Variants in WFDC9 observed in about 807,000 individuals in gnomAD.
The protein encoded by WFDC9 is WAP four-disulfide core domain 9.
Under a neutral mutation model 9.5 loss-of-function variants are expected in WFDC9, and 9 were observed. The ratio of observed to expected loss-of-function variants is 0.95; its 90% CI spans 0.57 to 1.65. The LOEUF is 1.65. Among genes scored for constraint, WFDC9 ranks in the 40% most tolerant of loss-of-function variants. WFDC9 has a pLI of 0.00. For missense variants in WFDC9, 87 were observed against 106.7 expected, an observed-to-expected ratio of 0.82 and a Z score of 0.81; for synonymous variants, 33 against 32.3, an observed-to-expected ratio of 1.02 and a Z score of -0.07.
intron 1 of WFDC9, among the ~76,000 whole-genome samples, chr20:45,622,410 G>T (rs938800504): frequency 6.6e-6 from 1 of 151,982 alleles, no homozygotes; most frequent in Non-Finnish European, 1.5e-5. Context: ...TTCATTTGGG[G>T]CAACTTCAAT....
At chr20:45,608,586 G>A (rs1981779285) in intron 4 of WFDC9, 77 bp downstream of exon 4, 1 of 1,508,750 alleles carries the variant, frequency 6.6e-7, no homozygotes, top group Admixed American at 2.1e-5. Flanking sequence ...TTGGGTGGCT[G>A]CGGTCTTTTG....
At chr20:45,629,948 G>A (rs2145604738) in intron 1 of WFDC9, 2 of 1,603,272 alleles carry the variant, frequency 1.2e-6, no homozygotes, top group Non-Finnish European at 1.7e-6. Context: ...ATTGGGTAGG[G>A]GGAATGGAGG....
chr20:45,628,494 C>T (rs528293930), intron 1 of WFDC9, among the ~76,000 whole-genome samples: 1 of 152,262 alleles, frequency 6.6e-6, no homozygotes, highest in Non-Finnish European at 1.5e-5. Context: ...TGATGATTCT[C>T]CTCTATATAA....
At chr20:45,629,566 A>G (rs1255452041) in intron 1 of WFDC9, 3 of 376,696 alleles carry the variant, frequency 8.0e-6, no homozygotes, top group Non-Finnish European at 1.4e-5. Flanking sequence ...ATCGGCAAGA[A>G]CACAAGACTG....
At chr20:45,611,287 T>C (rs1325037841) in intron 2 of WFDC9, among the ~76,000 whole-genome samples, 1 of 149,412 alleles carries the variant, frequency 6.7e-6, no homozygotes, top group Non-Finnish European at 1.5e-5. Flanking sequence ...AGAGTGGGGG[T>C]GGTGGGAGGC....
In WFDC9 at chr20:45,608,121, G is replaced by T. The variant is rs774838509; in HGVS notation, c.259C>A (p.Leu87Ile). Residue 87 changes from leucine (L) to isoleucine (I), a missense_variant, in exon 5 of 5, where the codon CTA (leucine) becomes ATA (isoleucine). By Grantham distance (5) the Leu-to-Ile change is conservative (BLOSUM62 2). Coordinates refer to ENST00000326000, the MANE Select transcript of WFDC9 (RefSeq NM_147198.4). ...TCGGCCAATAGAATCTAGGGGTTTAGCATTGATTTAAGGGGCTCTCTAGAA... is the reference window on the plus strand; with the variant it reads ...TCGGCCAATAGAATCTAGGGGTTTATCATTGATTTAAGGGGCTCTCTAGAA... ...LDNEEPLKSM[L>I]NP 1 of 1,613,308 alleles carries T rather than the reference G, an allele frequency of 6.2e-7. No individual in the cohort carries two copies. The highest frequency in any genetic ancestry group is 8.5e-7 in the Non-Finnish European group (1 of 1,179,760).
intron 2 of WFDC9, among the ~76,000 whole-genome samples, chr20:45,611,455 A>G (rs2145595244): frequency 6.6e-6 from 1 of 152,350 alleles, no homozygotes; most frequent in African/African-American, 2.4e-5. Context: ...GGAGAATCAC[A>G]TAAAATTTGT....
intron 2 of WFDC9, among the ~76,000 whole-genome samples, chr20:45,614,189 G>A (rs1981923506): frequency 6.6e-6 from 1 of 152,088 alleles, no homozygotes; most frequent in African/African-American, 2.4e-5. Flanking sequence ...CTAGTCTCCT[G>A]TTTTGCACAC....
chr20:45,610,842 TA>T (rs915582555), intron 2 of WFDC9, among the ~76,000 whole-genome samples: 19 of 152,308 alleles, frequency 1.2e-4, no homozygotes, highest in African/African-American at 4.6e-4. Context: ...ATTTTATTGG[TA>T]AAAAGCTTTG....
chr20:45,608,099 G>A lies in WFDC9; in HGVS notation c.*11C>T, dbSNP rs1981768557. 1.2e-6 allele frequency: 2 copies of A among 1,613,414 alleles called. No homozygotes were observed. The highest frequency in any genetic ancestry group is 2.2e-5 in the East Asian group (1 of 44,876). ...ATCCTTCAGCCCACAGTAGTGATCG[G>A]CCAATAGAATCTAGGGGTTTAGCAT... On this transcript the variant is annotated 3_prime_UTR_variant, in exon 5 of 5. Transcript: ENST00000326000.
At chr20:45,624,853 T>G (rs1982181756) in intron 1 of WFDC9, among the ~76,000 whole-genome samples, 1 of 152,226 alleles carries the variant, frequency 6.6e-6, no homozygotes, top group African/African-American at 2.4e-5. Flanking sequence ...AAGTCATTTT[T>G]TTCATATATT....
intron 1 of WFDC9, among the ~76,000 whole-genome samples, chr20:45,627,500 G>T (rs1390876197): frequency 6.6e-6 from 1 of 151,652 alleles, no homozygotes; most frequent in African/African-American, 2.4e-5. Context: ...CTCCTTACTT[G>T]TTATTCGTCT....
chr20:45,620,527 G>A (rs1319081615), intron 1 of WFDC9, among the ~76,000 whole-genome samples: 2 of 152,214 alleles, frequency 1.3e-5, no homozygotes, highest in Non-Finnish European at 2.9e-5. Context: ...AGGAGGCAGA[G>A]ATTGCAGTGA....
chr20:45,625,612 T>A (rs1203143949), intron 1 of WFDC9, among the ~76,000 whole-genome samples: 2 of 152,082 alleles, frequency 1.3e-5, no homozygotes, highest in Non-Finnish European at 2.9e-5. Context: ...TACCTTTAGA[T>A]CTTTAATCCA....
At chr20:45,625,807 CTT>C (rs76758338) in intron 1 of WFDC9, among the ~76,000 whole-genome samples, 493 of 46,326 alleles carry the variant, frequency 0.011, 6 homozygotes, top group Admixed American at 0.071. Context: ...GTTCTCTATT[CTT>C]TTTTTTTTTT....
intron 1 of WFDC9, among the ~76,000 whole-genome samples, chr20:45,627,463 G>T (rs2145603120): frequency 6.6e-6 from 1 of 151,658 alleles, no homozygotes; most frequent in African/African-American, 2.4e-5. Context: ...TTTTGTTTCA[G>T]GGGAGACTTT....
chr20:45,620,670 G>T lies in WFDC9; in HGVS notation c.-152-5949C>A, dbSNP rs188767233. Among the ~76,000 whole-genome samples, 60 of 152,264 alleles carry T rather than the reference G, an allele frequency of 3.9e-4. 1 individual carries two copies. The highest frequency in any genetic ancestry group is 1.4e-3 in the African/African-American group (60 of 41,548). ...TATTGAGGCCATTTTGTGTGTATGT[G>T]TGTGTGTACACATATATACAATTGT... On this transcript the variant is annotated intron_variant, in intron 1 of 4. Transcript: ENST00000326000.
At chr20:45,629,133 C>G (rs2425722) in intron 1 of WFDC9, among the ~76,000 whole-genome samples, 102,388 of 152,082 alleles carry the variant, frequency 0.67, 35,448 homozygotes, top group East Asian at 1. Context: ...ATATGTATAT[C>G]TGTGTATGTG....
chr20:45,613,858 C>G (rs542739838), intron 2 of WFDC9, among the ~76,000 whole-genome samples: 2 of 152,268 alleles, frequency 1.3e-5, no homozygotes, highest in South Asian at 4.1e-4. Context: ...TGAAGATACT[C>G]TGTTATCTGC....
Sources: gnomAD v4.1 joint callset for allele counts (sites outside exome capture counted in the v4.1 genomes callset) on GRCh38, gnomAD v4.1.1 for gene constraint, MANE v1.5 for transcripts, NCBI Gene and HGNC (gene_info 2026-07-23, HGNC 2026-07-21) for gene names.